CNTN4: variants seen among roughly 807,000 people sequenced by gnomAD.
The protein encoded by CNTN4 is contactin 4, also known as contactin-4.
Under a neutral mutation model 122.5 loss-of-function variants are expected in CNTN4, and 77 were observed. That is an observed-to-expected ratio of 0.63 (90% CI 0.52 to 0.76). The LOEUF (loss-of-function observed/expected upper bound fraction) is 0.76. Among genes scored for constraint, CNTN4 ranks in the 30% least tolerant of loss-of-function variants. The pLI is 0.00. For synonymous variants in CNTN4, 512 were observed against 447.0 expected (o/e 1.15, Z -1.83); for missense variants, 1,256 against 1,259.1 (o/e 1.00, Z 0.04).
chr3:3,047,206 C>G (rs374738206), intron 23 of CNTN4, among the ~76,000 whole-genome samples: 3 of 151,674 alleles, frequency 2.0e-5, no homozygotes, highest in African/African-American at 7.3e-5. Context: ...CTGTCAACAT[C>G]AGACAGATCA....
chr3:2,591,074 T>G (rs11716070), intron 4 of CNTN4, among the ~76,000 whole-genome samples: 11,511 of 152,204 alleles, frequency 0.076, 785 homozygotes, highest in East Asian at 0.21. Context: ...ATCACAATAT[T>G]TCTTACAATT....
chr3:2,693,037 A>T (rs2085829014), intron 4 of CNTN4, among the ~76,000 whole-genome samples: 1 of 152,200 alleles, frequency 6.6e-6, no homozygotes, highest in Admixed American at 6.6e-5. Context: ...TCATGATTTT[A>T]TTATAACCAG....
rs967802166 is a variant in CNTN4, at chr3:3,057,122, T to C, written c.*902T>C. 6 of 152,766 alleles carry C rather than the reference T, an allele frequency of 3.9e-5. No individual in the cohort carries two copies. Among genetic ancestry groups the C allele is most frequent in the African/African-American group, 1.4e-4 (6 of 41,582 alleles). 9.5% of individuals were successfully genotyped at this position (152,766 alleles called of 1,614,324 possible). ...AAAAGATCATTTTATTATCTTTAAC[T>C]GTATCTATTTTGAATGTAAATTTAA... On this transcript the variant is annotated 3_prime_UTR_variant, in exon 25 of 25. Coordinates refer to ENST00000418658, the MANE Select transcript of CNTN4 (RefSeq NM_175607.3).
chr3:2,184,655 A>G (rs1456336434), intron 2 of CNTN4, among the ~76,000 whole-genome samples: 1 of 152,080 alleles, frequency 6.6e-6, no homozygotes, highest in Non-Finnish European at 1.5e-5. Flanking sequence ...TGCCTTATAA[A>G]AGGGCTTGAT....
intron 3 of CNTN4, among the ~76,000 whole-genome samples, chr3:2,378,427 T>G (rs2045902865): frequency 1.3e-5 from 2 of 152,186 alleles, no homozygotes. Context: ...CCCATTGCGT[T>G]TTTTGGCCAT....
At chr3:2,887,442 G>A (rs1179846748) in intron 10 of CNTN4, among the ~76,000 whole-genome samples, 2 of 152,134 alleles carry the variant, frequency 1.3e-5, no homozygotes, top group Admixed American at 6.5e-5. Context: ...AAGACATTAG[G>A]CTGATGTGTT....
chr3:2,131,578 G>A (rs560538224), intron 2 of CNTN4, among the ~76,000 whole-genome samples: 1 of 152,300 alleles, frequency 6.6e-6, no homozygotes, highest in South Asian at 2.1e-4. Flanking sequence ...GCATGATGGA[G>A]CAGTGTTCCT....
At chr3:2,259,714 G>GT (rs1466525951) in intron 2 of CNTN4, among the ~76,000 whole-genome samples, 1 of 152,168 alleles carries the variant, frequency 6.6e-6, no homozygotes, top group Non-Finnish European at 1.5e-5. Context: ...GTATGATTCA[G>GT]TTTTCTCCCA....
chr3:2,337,148 C>G (rs2043987742), intron 2 of CNTN4, among the ~76,000 whole-genome samples: 1 of 152,120 alleles, frequency 6.6e-6, no homozygotes, highest in African/African-American at 2.4e-5. Context: ...GCTTTCTATT[C>G]TCTTTGGCAT....
At chr3:2,924,013 C>T (rs10865823) in intron 12 of CNTN4, among the ~76,000 whole-genome samples, 55,092 of 151,744 alleles carry the variant, frequency 0.36, 10,298 homozygotes, top group East Asian at 0.64. Context: ...TTGAATTACT[C>T]CCAGAATTAT....
chr3:2,178,748 G>A (rs972309102), intron 2 of CNTN4, among the ~76,000 whole-genome samples: 3 of 151,892 alleles, frequency 2.0e-5, no homozygotes, highest in Admixed American at 1.3e-4. Flanking sequence ...TTTTTGGGGG[G>A]TAGGTATTCT....
chr3:2,450,796 C>T (rs2048801246), intron 3 of CNTN4, among the ~76,000 whole-genome samples: 1 of 152,162 alleles, frequency 6.6e-6, no homozygotes, highest in Admixed American at 6.6e-5. Flanking sequence ...CCTGACTCAA[C>T]CAAACAAGTT....
At chr3:2,780,291 G>T (rs1424442111) in intron 6 of CNTN4, among the ~76,000 whole-genome samples, 2 of 152,160 alleles carry the variant, frequency 1.3e-5, no homozygotes, top group Non-Finnish European at 2.9e-5. Context: ...GTGTTTGACT[G>T]CATGGACCTT....
chr3:2,489,486 C>G (rs1391352554), intron 3 of CNTN4, among the ~76,000 whole-genome samples: 1 of 152,186 alleles, frequency 6.6e-6, no homozygotes, highest in African/African-American at 2.4e-5. Context: ...AAACCAGAAG[C>G]CTCAGCCAAA....
intron 13 of CNTN4, among the ~76,000 whole-genome samples, chr3:2,971,597 A>G (rs1499050): frequency 0.095 from 14,472 of 152,280 alleles, 760 homozygotes; most frequent in Non-Finnish European, 0.12. Flanking sequence ...CAATAGATAC[A>G]TTAAAGTATA....
At chr3:2,231,582 G>T (rs2039489976) in intron 2 of CNTN4, among the ~76,000 whole-genome samples, 1 of 152,092 alleles carries the variant, frequency 6.6e-6, no homozygotes, top group Non-Finnish European at 1.5e-5. Flanking sequence ...AAAATTAGAA[G>T]ATTTCTGAGG....
intron 6 of CNTN4, among the ~76,000 whole-genome samples, chr3:2,791,394 A>C (rs1309804794): frequency 6.6e-6 from 1 of 152,050 alleles, no homozygotes; most frequent in Non-Finnish European, 1.5e-5. Flanking sequence ...TTAGCTGAGC[A>C]TGGTGGCGTG....
chr3:2,720,616 G>A (rs1464349990), intron 4 of CNTN4, among the ~76,000 whole-genome samples: 3 of 152,158 alleles, frequency 2.0e-5, no homozygotes, highest in Non-Finnish European at 4.4e-5. Context: ...ACCACAGAAA[G>A]TCACATGTGT....
Position 2,839,413 on chromosome 3 carries a change from CA to C in CNTN4, c.454+19845del, listed in dbSNP as rs376701943. On this transcript the variant is annotated intron_variant, in intron 7 of 24. Transcript: ENST00000418658. Reference sequence around the variant, plus strand: ...AGAATGGCAAGTTTTTTGCTTTTACCAAAAAAAAAAAAAGACAGTGGGAATC... The same window carrying C: ...AGAATGGCAAGTTTTTTGCTTTTACCAAAAAAAAAAAAGACAGTGGGAATC... 6.3e-3 allele frequency among the ~76,000 whole-genome samples: 859 copies of C among 135,574 alleles called. 2 individuals carry two copies. The highest frequency in any genetic ancestry group is 0.01 in the African/African-American group (374 of 37,112). 88.9% of individuals were successfully genotyped at this position (135,574 alleles called of 152,430 possible).
Sources: gnomAD v4.1 joint callset for allele counts (sites outside exome capture counted in the v4.1 genomes callset) on GRCh38, gnomAD v4.1.1 for gene constraint, MANE v1.5 for transcripts, NCBI Gene and HGNC (gene_info 2026-07-23, HGNC 2026-07-21) for gene names.